DNAJC1: variants seen among roughly 807,000 people sequenced by gnomAD.
DNAJC1 encodes dnaJ homolog subfamily C member 1.
In DNAJC1, 58 loss-of-function variants were observed where a neutral mutation model predicts 76.6. The ratio of observed to expected loss-of-function variants is 0.76; its 90% CI spans 0.61 to 0.94. The LOEUF (loss-of-function observed/expected upper bound fraction) is 0.94. Among genes scored for constraint, DNAJC1 ranks in the 40% least tolerant of loss-of-function variants. The pLI, the probability that DNAJC1 is intolerant of heterozygous loss-of-function variation, is 0.00. For synonymous variants in DNAJC1, 258 were observed against 267.9 expected (o/e 0.96, Z 0.36); for missense variants, 689 against 677.3 (o/e 1.02, Z -0.19).
intron 1 of DNAJC1, among the ~76,000 whole-genome samples, chr10:21,987,305 A>G (rs1343730228): frequency 6.6e-6 from 1 of 152,214 alleles, no homozygotes; most frequent in Non-Finnish European, 1.5e-5. Flanking sequence ...ATAGTGCTGG[A>G]CAGTACAGCT....
At chr10:21,977,334 TA>T (rs1838082994) in intron 1 of DNAJC1, among the ~76,000 whole-genome samples, 2 of 152,256 alleles carry the variant, frequency 1.3e-5, no homozygotes, top group Admixed American at 6.5e-5. Flanking sequence ...TTAGATAGTC[TA>T]ATTAATCTAC....
chr10:21,857,555 T>C (rs1026232342), intron 8 of DNAJC1, among the ~76,000 whole-genome samples: 20 of 151,990 alleles, frequency 1.3e-4, no homozygotes, highest in Non-Finnish European at 2.9e-4. Context: ...TGTTCCTTTG[T>C]AGGAAGATAG....
intron 8 of DNAJC1, among the ~76,000 whole-genome samples, chr10:21,811,194 C>G (rs1164790438): frequency 6.6e-6 from 1 of 152,144 alleles, no homozygotes; most frequent in African/African-American, 2.4e-5. Context: ...AGAGCAAGGC[C>G]TTGGTTGTAT....
At chr10:21,758,829 T>C (rs1401421326) in intron 11 of DNAJC1, among the ~76,000 whole-genome samples, 1 of 152,206 alleles carries the variant, frequency 6.6e-6, no homozygotes, top group East Asian at 1.9e-4. Flanking sequence ...CATTTCACGG[T>C]GAGGCAGCGC....
At position 22,003,697 on chromosome 10, in the gene DNAJC1, G is replaced by T. The variant is rs190364825; in HGVS notation, c.-263C>A. The stretch of plus-strand genomic sequence containing the variant: ...CTCGCCCCCAGGCCTACACACAGCT[G>T]TAGAGGCAGCGCCCGGCGCCTGGGC... On this transcript the variant is annotated 5_prime_UTR_variant, in exon 1 of 12. Coordinates refer to ENST00000376980, the MANE Select transcript of DNAJC1 (RefSeq NM_022365.4). 5.4e-4 allele frequency: 198 copies of T among 367,776 alleles called. No individual in the cohort carries two copies. Among genetic ancestry groups the T allele is most frequent in the African/African-American group, 3.3e-3 (155 of 47,328 alleles). The allele number at this position is 367,776 out of a possible 1,614,324, so 22.8% of individuals were successfully genotyped here. A position where few individuals can be genotyped will look rare whatever the true frequency, so the allele number is the denominator to read the frequency against.
chr10:21,824,850 T>A (rs1835221066), intron 8 of DNAJC1, among the ~76,000 whole-genome samples: 1 of 152,228 alleles, frequency 6.6e-6, no homozygotes, highest in Non-Finnish European at 1.5e-5. Context: ...CTCAGCTCAC[T>A]GCAACCTCTG....
At chr10:21,873,730 T>A (rs887733324) in intron 8 of DNAJC1, among the ~76,000 whole-genome samples, 2 of 152,160 alleles carry the variant, frequency 1.3e-5, no homozygotes, top group South Asian at 4.1e-4. Context: ...TATAAAGGCA[T>A]TTTTGGCTTG....
Position 21,986,051 on chromosome 10 carries a change from C to A in DNAJC1, c.222+17162G>T, listed in dbSNP as rs187023914. 1.6e-4 allele frequency among the ~76,000 whole-genome samples: 24 copies of A among 152,220 alleles called. No individual in the cohort carries two copies. In the East Asian group the frequency reaches 4.2e-3, roughly 27 times the overall value. On this transcript the variant is annotated intron_variant, in intron 1 of 11. Coordinates refer to ENST00000376980, the MANE Select transcript of DNAJC1 (RefSeq NM_022365.4). ...GACCATCCTAGCTAACAGGGTGAAA[C>A]GCTGTCTCTACTAAAAATACAAAAA...
chr10:21,917,744 A>G (rs1243238674), intron 6 of DNAJC1, among the ~76,000 whole-genome samples: 2 of 152,076 alleles, frequency 1.3e-5, no homozygotes, highest in Non-Finnish European at 2.9e-5. Context: ...TAAACAAAAT[A>G]TAAGATTCTA....
chr10:21,822,963 A>T (rs944482523), intron 8 of DNAJC1, among the ~76,000 whole-genome samples: 1 of 151,830 alleles, frequency 6.6e-6, no homozygotes, highest in Non-Finnish European at 1.5e-5. Context: ...AAATTGAAAA[A>T]ACTACCACGG....
chr10:21,876,882 A>C (rs1484586892), intron 8 of DNAJC1, among the ~76,000 whole-genome samples: 1 of 152,242 alleles, frequency 6.6e-6, no homozygotes, highest in African/African-American at 2.4e-5. Flanking sequence ...TTAATGCCAA[A>C]CAAACAAAAC....
intron 8 of DNAJC1, among the ~76,000 whole-genome samples, chr10:21,837,890 G>T (rs1488201178): frequency 6.9e-6 from 1 of 145,520 alleles, no homozygotes; most frequent in African/African-American, 2.5e-5. Flanking sequence ...GCCCCCGCCC[G>T]GCCAGCCGCC....
intron 8 of DNAJC1, among the ~76,000 whole-genome samples, chr10:21,822,388 G>C (rs1176283179): frequency 6.6e-6 from 1 of 151,932 alleles, no homozygotes; most frequent in African/African-American, 2.4e-5. Flanking sequence ...GCAGTGAGCT[G>C]AGATCGCGCC....
At chr10:21,818,132 G>A (rs891879401) in intron 8 of DNAJC1, among the ~76,000 whole-genome samples, 1 of 152,156 alleles carries the variant, frequency 6.6e-6, no homozygotes, top group Non-Finnish European at 1.5e-5. Context: ...AAAGCAAATG[G>A]GAGAAATATT....
intron 7 of DNAJC1, among the ~76,000 whole-genome samples, chr10:21,902,373 C>T (rs1004635707): frequency 6.6e-6 from 1 of 152,080 alleles, no homozygotes; most frequent in Non-Finnish European, 1.5e-5. Context: ...GGCACGATCT[C>T]GACTCACTGC....
chr10:21,770,598 C>T (rs1338426705), intron 9 of DNAJC1, among the ~76,000 whole-genome samples: 4 of 151,930 alleles, frequency 2.6e-5, no homozygotes, highest in East Asian at 1.9e-4. Flanking sequence ...GGGGTTTCAC[C>T]GTGTTGGTCA....
intron 1 of DNAJC1, among the ~76,000 whole-genome samples, chr10:21,967,429 A>AG (rs1837911711): frequency 6.6e-6 from 1 of 152,138 alleles, no homozygotes; most frequent in Non-Finnish European, 1.5e-5. Context: ...CTTGCACCAC[A>AG]GTGTTCTAGG....
At chr10:21,792,006 T>C (rs1304330119) in intron 9 of DNAJC1, among the ~76,000 whole-genome samples, 3 of 152,012 alleles carry the variant, frequency 2.0e-5, no homozygotes, top group African/African-American at 7.2e-5. Context: ...AAAACATGGA[T>C]AGTTCACCCA....
chr10:21,945,217 G>C (rs1445431197), intron 1 of DNAJC1, among the ~76,000 whole-genome samples: 1 of 152,126 alleles, frequency 6.6e-6, no homozygotes, highest in Non-Finnish European at 1.5e-5. Flanking sequence ...AATACTAAAA[G>C]TTATCAACTG....
Sources: allele counts gnomAD v4.1 joint callset (sites outside exome capture counted in the v4.1 genomes callset), GRCh38; gene constraint gnomAD v4.1.1; transcripts MANE v1.5; gene names NCBI Gene and HGNC (gene_info 2026-07-23, HGNC 2026-07-21).